The following CCDC171 variants were observed in gnomAD, a reference collection of about 807,000 sequenced individuals.
CCDC171 encodes coiled-coil domain containing 171.
A neutral mutation model predicts 168.2 loss-of-function variants in CCDC171; 177 were observed. The observed-to-expected ratio is 1.05, with a 90% CI of 0.93 to 1.19. The LOEUF is 1.19. Ranked by LOEUF, CCDC171 falls within the 50% of genes most tolerant of loss-of-function variation. The pLI is 0.00. For synonymous variants in CCDC171, 687 were observed against 540.8 expected (o/e 1.27, Z -3.75); for missense variants, 1,991 against 1,539.0 (o/e 1.29, Z -4.91).
At position 15,751,690 on chromosome 9, in the gene CCDC171, A is replaced by T. The variant is rs1411720664; in HGVS notation, c.2671+6059A>T. On this transcript the variant is annotated intron_variant, in intron 18 of 25. Coordinates refer to ENST00000380701, the MANE Select transcript of CCDC171 (RefSeq NM_173550.4). Reference sequence around the variant, plus strand: ...TTCCCTATTTAATAAGTGTGCTGGGAAAACTGGCTAGTCATATGTAGAAAG... The same window carrying T: ...TTCCCTATTTAATAAGTGTGCTGGGTAAACTGGCTAGTCATATGTAGAAAG... Among the ~76,000 whole-genome samples the T allele has an allele frequency of 2.6e-5, 4 of 152,204 alleles. No homozygotes were observed. In the East Asian group the frequency reaches 7.7e-4, roughly 29 times the overall value.
intron 7 of CCDC171, among the ~76,000 whole-genome samples, chr9:15,654,197 T>C (rs977814733): frequency 4.6e-5 from 7 of 151,900 alleles, no homozygotes; most frequent in African/African-American, 1.7e-4. Context: ...TTTATTGCTT[T>C]CTGTAAAAAA....
In CCDC171 at chr9:15,973,102, G is replaced by T. The variant is rs1831495554; in HGVS notation, c.*1266G>T. 1 of 152,156 alleles carries T rather than the reference G, an allele frequency of 6.6e-6. No individual in the cohort carries two copies. Among genetic ancestry groups the T allele is most frequent in the African/African-American group, 2.4e-5 (1 of 41,442 alleles). 9.4% of individuals were successfully genotyped at this position (152,156 alleles called of 1,614,324 possible). On this transcript the variant is annotated 3_prime_UTR_variant, in exon 26 of 26. Transcript: ENST00000380701. ...AACCCTTAAAGGTTAAATCCTTGCAGTTTGCATCATGGTAAGTGAAGAACA... is the reference window on the plus strand; with the variant it reads ...AACCCTTAAAGGTTAAATCCTTGCATTTTGCATCATGGTAAGTGAAGAACA...
chr9:15,828,294 A>G (rs976337564), intron 21 of CCDC171, among the ~76,000 whole-genome samples: 2 of 150,890 alleles, frequency 1.3e-5, no homozygotes, highest in African/African-American at 4.9e-5. Flanking sequence ...TGTAGGAAAG[A>G]TCTAAATTTG....
chr9:15,784,670 C>A lies in CCDC171; in HGVS notation c.3243C>A (p.Asn1081Lys), dbSNP rs913477600. 6.2e-7 allele frequency: 1 copy of A among 1,612,334 alleles called. No homozygotes were observed. The highest frequency in any genetic ancestry group is 1.3e-5 in the African/African-American group (1 of 74,834). ...ELHSSEEADK[N>K]QTLGEAVKSL... ...ACTCCAGTGAGGAAGCTGACAAAAA[C>A]CAAACTCTTGGAGAAGCTGTTAAGG... The change falls in exon 21 of 26, where the codon AAC (asparagine) becomes AAA (lysine). Residue 1081 changes from asparagine to lysine, a missense_variant. Asn to Lys is a moderately conservative substitution (Grantham distance 94). Coordinates refer to ENST00000380701, the MANE Select transcript of CCDC171 (RefSeq NM_173550.4).
intron 24 of CCDC171, among the ~76,000 whole-genome samples, chr9:15,895,983 A>G (rs1820843763): frequency 6.6e-6 from 1 of 151,988 alleles, no homozygotes; most frequent in African/African-American, 2.4e-5. Flanking sequence ...TCATGTCCAT[A>G]TGCAATGGTT....
chr9:16,045,817 A>G (rs1037297467), intron 1 of CCDC171, among the ~76,000 whole-genome samples: 1 of 152,236 alleles, frequency 6.6e-6, no homozygotes, highest in Non-Finnish European at 1.5e-5. Flanking sequence ...GCAAGCTCCC[A>G]TTAACCTGGT....
chr9:15,857,462 G>A (rs768877898), intron 23 of CCDC171, among the ~76,000 whole-genome samples: 8 of 151,748 alleles, frequency 5.3e-5, no homozygotes, highest in Non-Finnish European at 8.8e-5. Flanking sequence ...CTGCTCTGTC[G>A]CTAAGGCTGG....
chr9:15,810,229 C>G lies in CCDC171; in HGVS notation c.3267+25535C>G, dbSNP rs557597513. ...ACAGAGTGCTGATTGGTGCATCCAC[C>G]AACCCTGAGCTAGACACAGAGTGCT... On this transcript the variant is annotated intron_variant, in intron 21 of 25. Coordinates refer to ENST00000380701, the MANE Select transcript of CCDC171 (RefSeq NM_173550.4). Among the ~76,000 whole-genome samples the G allele has an allele frequency of 5.6e-3, 852 of 151,912 alleles. 3 individuals carry two copies. The highest frequency in any genetic ancestry group is 9.5e-3 in the Non-Finnish European group (648 of 67,922).
At chr9:16,088,129 T>A in the CCDC171 span, among the ~76,000 whole-genome samples, 1 of 152,178 alleles carries the variant, frequency 6.6e-6, no homozygotes, top group African/African-American at 2.4e-5. Flanking sequence ...AACCACATGA[T>A]TATCTCAATA....
At chr9:15,879,580 G>A (rs916118565) in intron 24 of CCDC171, among the ~76,000 whole-genome samples, 6 of 151,758 alleles carry the variant, frequency 4.0e-5, no homozygotes, top group Non-Finnish European at 8.8e-5. Context: ...CTTCTCTTGG[G>A]CCATACTATT....
At chr9:15,653,986 A>G (rs1472463526) in intron 7 of CCDC171, among the ~76,000 whole-genome samples, 13 of 152,094 alleles carry the variant, frequency 8.5e-5, no homozygotes, top group African/African-American at 2.9e-4. Flanking sequence ...CAGATATCCA[A>G]ATGTCCTCAT....
At chr9:15,678,597 A>C (rs917696352) in intron 9 of CCDC171, among the ~76,000 whole-genome samples, 161 bp from the exon 10 acceptor site, 11 of 152,202 alleles carry the variant, frequency 7.2e-5, no homozygotes, top group Non-Finnish European at 1.5e-5. Context: ...TTTTCATTTA[A>C]GAATATTCAG....
intron 6 of CCDC171, among the ~76,000 whole-genome samples, chr9:15,600,937 A>T (rs145534717): frequency 1.3e-5 from 2 of 152,278 alleles, no homozygotes; most frequent in Non-Finnish European, 1.5e-5. Context: ...CTCCGAGCCA[A>T]GCGCGGGATA....
intron 21 of CCDC171, among the ~76,000 whole-genome samples, chr9:15,792,379 A>G (rs921992395): frequency 2.0e-5 from 3 of 152,198 alleles, no homozygotes; most frequent in African/African-American, 7.2e-5. Flanking sequence ...GGAGAATGGA[A>G]CCAAGTTGGA....
chr9:15,874,432 G>T (rs1013643861), intron 23 of CCDC171, 100 bp from the exon 24 acceptor site: 1 of 927,016 alleles, frequency 1.1e-6, no homozygotes, highest in South Asian at 2.9e-5. Context: ...CAGGTCCAGC[G>T]ATCAATGCAA....
chr9:15,635,451 C>T (rs1045619539), intron 7 of CCDC171, among the ~76,000 whole-genome samples: 1 of 152,128 alleles, frequency 6.6e-6, no homozygotes, highest in African/African-American at 2.4e-5. Flanking sequence ...TGTTCCAGGG[C>T]AGGAAGCATC....
chr9:15,596,823 A>C lies in CCDC171; in HGVS notation c.675+2651A>C, dbSNP rs555781959. ...GTTTGTATCCTCTTTTATTTTGTTGAGCAGTGGTTTGTAGTTCTCCTTGAA... is the reference window on the plus strand; with the variant it reads ...GTTTGTATCCTCTTTTATTTTGTTGCGCAGTGGTTTGTAGTTCTCCTTGAA... On this transcript the variant is annotated intron_variant, in intron 6 of 25. Transcript: ENST00000380701. 2.6e-5 allele frequency among the ~76,000 whole-genome samples: 4 copies of C among 152,124 alleles called. No homozygotes were observed. The South Asian group carries it at 8.3e-4, about 32-fold the overall frequency.
chr9:15,793,657 C>G (rs2058399305), intron 21 of CCDC171, among the ~76,000 whole-genome samples: 1 of 131,762 alleles, frequency 7.6e-6, no homozygotes, highest in Non-Finnish European at 1.5e-5. Context: ...TCAAGTGATT[C>G]TTCTTCCTCA....
intron 23 of CCDC171, among the ~76,000 whole-genome samples, chr9:15,860,185 G>A (rs1164824637): frequency 6.6e-6 from 1 of 150,946 alleles, no homozygotes; most frequent in Non-Finnish European, 1.5e-5. Context: ...CTTACTAAAG[G>A]TTTGTAAATT....
Sources: allele counts gnomAD v4.1 joint callset (sites outside exome capture counted in the v4.1 genomes callset), GRCh38; gene constraint gnomAD v4.1.1; transcripts MANE v1.5; gene names NCBI Gene and HGNC (gene_info 2026-07-23, HGNC 2026-07-21).